Variants in SIN3A observed in about 807,000 individuals in gnomAD.
The protein encoded by SIN3A is SIN3 transcription regulator family member A, also known as paired amphipathic helix protein Sin3a.
Under a neutral mutation model 146.1 loss-of-function variants are expected in SIN3A, and 14 were observed. That is an observed-to-expected ratio of 0.10 (90% CI 0.06 to 0.15). The LOEUF is 0.15. Ranked by LOEUF, SIN3A falls within the 10% of genes least tolerant of loss-of-function variation. SIN3A has a pLI of 1.00. For missense variants in SIN3A, 1,028 were observed against 1,576.0 expected (o/e 0.65, Z 5.89); for synonymous variants, 572 against 572.0 (o/e 1.00, Z 0.00).
chr15:75,403,103 C>A (rs997469824), intron 9 of SIN3A, among the ~76,000 whole-genome samples: 1 of 152,024 alleles, frequency 6.6e-6, no homozygotes, highest in Non-Finnish European at 1.5e-5. Context: ...CGTGAGGAAT[C>A]ATTTTACTAT....
intron 14 of SIN3A, among the ~76,000 whole-genome samples, chr15:75,393,973 A>G (rs546947954): frequency 1.3e-5 from 2 of 151,862 alleles, no homozygotes; most frequent in East Asian, 3.9e-4. Flanking sequence ...ACGCCTGGCT[A>G]ATTTTTGTAT....
At position 75,401,867 on chromosome 15, in the gene SIN3A, A is replaced by G. The variant is rs1169267201; in HGVS notation, c.1511T>C (p.Val504Ala). The G allele has an allele frequency of 1.2e-6, 2 of 1,606,740 alleles. No homozygotes were observed. The highest frequency in any genetic ancestry group is 1.7e-4 in the Middle Eastern group (1 of 6,046). The part of the protein sequence containing the change: ...VISRAELVQL[V>A]SPFLGKFPEL... ...CTTCACTTACCCCAGGAAAGGAGAG[A>G]CTAGTTGCACAAGCTCAGCACGAGA... The change falls in exon 10 of 21, where the codon GTC becomes GCC. Residue 504 changes from valine to alanine, a missense_variant. Physicochemically the swap from Val to Ala is moderately conservative, Grantham distance 64. This residue lies in a region of SIN3A where 157 missense variants were observed against 284.8 expected (regional missense o/e 0.55). Transcript: ENST00000394947.
intron 1 of SIN3A, among the ~76,000 whole-genome samples, chr15:75,442,331 T>G (rs959004347): frequency 2.1e-5 from 3 of 143,600 alleles, no homozygotes; most frequent in East Asian, 4.0e-4. Flanking sequence ...GTTTTGATTG[T>G]TTTTTTTTTT....
intron 1 of SIN3A, among the ~76,000 whole-genome samples, chr15:75,436,845 A>G (rs113954389): frequency 4.6e-4 from 70 of 152,312 alleles, no homozygotes; most frequent in African/African-American, 1.6e-3. Flanking sequence ...GGAAAGGGAT[A>G]CAGACAGGTA....
intron 2 of SIN3A, among the ~76,000 whole-genome samples, chr15:75,428,200 T>C (rs113789841): frequency 3.3e-5 from 5 of 152,176 alleles, no homozygotes; most frequent in African/African-American, 4.8e-5. Context: ...ATCCCTTTCA[T>C]AGGTACTTGA....
At chr15:75,448,301 C>A (rs1013418831) in intron 1 of SIN3A, 3 of 152,048 alleles carry the variant, frequency 2.0e-5, no homozygotes, top group Non-Finnish European at 4.4e-5. Flanking sequence ...AGTCTGCGAC[C>A]AACCTGATCA....
upstream of SIN3A, chr15:75,453,955 G>C (rs2074448903): frequency 6.6e-6 from 1 of 152,254 alleles, no homozygotes; most frequent in South Asian, 2.1e-4. Context: ...TAGGACTTCC[G>C]GGCGGGAGGG....
chr15:75,425,055 A>C (rs753073779), intron 2 of SIN3A, among the ~76,000 whole-genome samples: 1 of 152,250 alleles, frequency 6.6e-6, no homozygotes, highest in African/African-American at 2.4e-5. Flanking sequence ...TCTCAAAAAA[A>C]TAATAAAAGC....
chr15:75,450,494 G>A (rs2074383713), intron 1 of SIN3A, among the ~76,000 whole-genome samples: 1 of 152,024 alleles, frequency 6.6e-6, no homozygotes, highest in African/African-American at 2.4e-5. Context: ...CATCACCACC[G>A]CGGATCTAGG....
At chr15:75,454,892 G>C (rs1176361690), upstream of SIN3A, 1 of 152,330 alleles carries the variant, frequency 6.6e-6, no homozygotes, top group African/African-American at 2.4e-5. Context: ...GGGGTTTTCC[G>C]CACCACCGAT....
chr15:75,449,754 A>C (rs8038760), intron 1 of SIN3A, among the ~76,000 whole-genome samples: 53,152 of 152,126 alleles, frequency 0.35, 10,635 homozygotes, highest in African/African-American at 0.54. Context: ...TAGTTACCTA[A>C]ATAGCAAATT....
intron 1 of SIN3A, among the ~76,000 whole-genome samples, chr15:75,430,793 T>C (rs2074000812): frequency 6.6e-6 from 1 of 152,082 alleles, no homozygotes; most frequent in Non-Finnish European, 1.5e-5. Flanking sequence ...CTTTTTTTTT[T>C]TGAGACGGAG....
Position 75,401,833 on chromosome 15 carries a change from AG to A in SIN3A, c.1526+18del. 1 of 1,421,762 alleles carries A rather than the reference AG, an allele frequency of 7.0e-7. No individual in the cohort carries two copies. Among genetic ancestry groups the A allele is most frequent in the South Asian group, 1.1e-5 (1 of 87,248 alleles). 88.1% of individuals were successfully genotyped at this position (1,421,762 alleles called of 1,614,324 possible). On this transcript the variant is annotated intron_variant, in intron 10 of 20. Transcript: ENST00000394947. ...GTCTCCATATCATGCATCAGGGCTA[AG>A]CCCCTCACTTCACTTACCCCAGGAA...
intron 8 of SIN3A, among the ~76,000 whole-genome samples, chr15:75,408,131 A>G (rs1794263321): frequency 1.3e-5 from 2 of 152,148 alleles, no homozygotes; most frequent in South Asian, 2.1e-4. Context: ...CTCTGCTTAC[A>G]CTGCCTATGG....
At chr15:75,448,643 G>T (rs1264515826) in intron 1 of SIN3A, among the ~76,000 whole-genome samples, 1 of 152,150 alleles carries the variant, frequency 6.6e-6, no homozygotes, top group African/African-American at 2.4e-5. Flanking sequence ...AGAAAGTAAA[G>T]CTTAACAAAC....
intron 9 of SIN3A, among the ~76,000 whole-genome samples, chr15:75,404,927 T>C (rs1246787063): frequency 6.6e-6 from 1 of 151,982 alleles, no homozygotes; most frequent in Non-Finnish European, 1.5e-5. Context: ...GAGGATTGCC[T>C]GAGCCCAGGA....
chr15:75,422,240 A>AG (rs1567387248), intron 3 of SIN3A: 3 of 285,438 alleles, frequency 1.1e-5, no homozygotes. Context: ...AAAAAAAAAA[A>AG]TTTTTAAGAA....
At chr15:75,415,845 C>T (rs1480908163) in intron 3 of SIN3A, 1 of 146,122 alleles carries the variant, frequency 6.8e-6, no homozygotes, top group African/African-American at 3.5e-5. Flanking sequence ...GAGTGAAACT[C>T]GGTCTCAGGA....
chr15:75,374,993 G>A (rs2072827322), intron 20 of SIN3A, among the ~76,000 whole-genome samples: 1 of 152,188 alleles, frequency 6.6e-6, no homozygotes, highest in Non-Finnish European at 1.5e-5. Context: ...AATTGAGACA[G>A]AATGTAAAGA....
Sources: gnomAD v4.1 joint callset for allele counts (sites outside exome capture counted in the v4.1 genomes callset) on GRCh38, gnomAD v4.1.1 for gene constraint, gnomAD v4.1.1 regional missense constraint, MANE v1.5 for transcripts, NCBI Gene and HGNC (gene_info 2026-07-23, HGNC 2026-07-21) for gene names.